The following LRP8 variants were observed in gnomAD, a reference collection of about 807,000 sequenced individuals.
The protein encoded by LRP8 is LDL receptor related protein 8, also known as low-density lipoprotein receptor-related protein 8.
LRP8 carries 46 observed loss-of-function variants against 111.6 expected under a neutral mutation model. The observed-to-expected ratio is 0.41, with a 90% CI of 0.33 to 0.53. The LOEUF is 0.53. Among genes scored for constraint, LRP8 ranks in the 20% least tolerant of loss-of-function variants. LRP8 has a pLI of 0.20. For synonymous variants in LRP8, 464 were observed against 511.2 expected, an observed-to-expected ratio of 0.91 and a Z score of 1.24; for missense variants, 959 against 1,297.4, an observed-to-expected ratio of 0.74 and a Z score of 4.01.
In LRP8 at chr1:53,276,857, C is replaced by A; in HGVS notation, c.718G>T (p.Glu240Ter). The change falls in exon 5 of 19, where the codon GAG becomes TAG. Residue 240 changes from glutamate (E) to a stop codon, truncating the protein, a stop_gained. Transcript: ENST00000306052. LOFTEE classifies it high-confidence loss of function. ...RQFDCEDRSD[E>*]AAELCGRPGP... The stretch of plus-strand genomic sequence containing the variant: ...GGACGGCCGCAGAGCTCGGCTGCCT[C>A]GTCCGAGCGGTCCTCGCAGTCAAAC... 3 of 1,351,030 alleles carry A rather than the reference C, an allele frequency of 2.2e-6. No homozygotes were observed. The highest frequency in any genetic ancestry group is 2.8e-6 in the Non-Finnish European group (3 of 1,053,138). The allele number at this position is 1,351,030 out of a possible 1,614,324, so 83.7% of individuals were successfully genotyped here.
chr1:53,304,058 AAAAAG>A (rs1651493970), intron 2 of LRP8, among the ~76,000 whole-genome samples: 2 of 152,174 alleles, frequency 1.3e-5, no homozygotes, highest in African/African-American at 4.8e-5. Flanking sequence ...TTTCGGTGGG[AAAAAG>A]AAAGGAAAGG....
At chr1:53,325,072 C>G (rs1312488766) in intron 2 of LRP8, among the ~76,000 whole-genome samples, 2 of 152,240 alleles carry the variant, frequency 1.3e-5, no homozygotes, top group Non-Finnish European at 2.9e-5. Context: ...CACGCAGTTT[C>G]TATTCCTTGC....
Position 53,275,626 on chromosome 1 carries a change from C to G in LRP8, c.1006+5G>C. 1 of 1,613,890 alleles carries G rather than the reference C, an allele frequency of 6.2e-7. No individual in the cohort carries two copies. Among genetic ancestry groups the G allele is most frequent in the Non-Finnish European group, 8.5e-7 (1 of 1,179,876 alleles). ...GGATGTGTTCTGTGCCCTGACCACA[C>G]GCACCCTGTAGGCAGCCAGCTTCAT... On this transcript the variant is annotated splice_donor_5th_base_variant and intron_variant, in intron 6 of 18. Coordinates refer to ENST00000306052, the MANE Select transcript of LRP8 (RefSeq NM_004631.5). The surrounding 1 kb of genome is among the most constrained non-coding windows in gnomAD (Gnocchi z 4.4).
At chr1:53,255,251 A>G in intron 15 of LRP8, 66 bp from the exon 16 acceptor site, 3 of 1,423,348 alleles carry the variant, frequency 2.1e-6, no homozygotes, top group Non-Finnish European at 3.0e-6. Flanking sequence ...TACTGGCCTC[A>G]AGTGGTAAGA....
At chr1:53,256,269 A>C (rs1243496863) in intron 15 of LRP8, among the ~76,000 whole-genome samples, 1 of 152,232 alleles carries the variant, frequency 6.6e-6, no homozygotes, top group Non-Finnish European at 1.5e-5. Flanking sequence ...AGAATCTAAC[A>C]GTTAAGGGGA....
intron 2 of LRP8, among the ~76,000 whole-genome samples, chr1:53,310,651 T>TG (rs1006182057): frequency 1.3e-5 from 2 of 152,160 alleles, no homozygotes; most frequent in African/African-American, 4.8e-5. Flanking sequence ...CCAGGGTGTC[T>TG]GTGTGGCCCC....
intron 3 of LRP8, among the ~76,000 whole-genome samples, chr1:53,282,500 G>T (rs1434140090): frequency 6.6e-6 from 1 of 152,114 alleles, no homozygotes; most frequent in East Asian, 1.9e-4. Flanking sequence ...TCCTTCCAGG[G>T]TACCTCTATC....
rs1651324073 is a variant in LRP8 at position 53,303,275 on chromosome 1, T to A, written c.245-13586A>T. On this transcript the variant is annotated intron_variant, in intron 2 of 18. Transcript: ENST00000306052. The surrounding 1 kb of genome is among the most constrained non-coding windows in gnomAD (Gnocchi z 4.3). ...GGCATGGCTTAGCTGGAAAAGCATC[T>A]GGGTCCAGTGAGGTGGTGGGGAGCA... 6.6e-6 allele frequency among the ~76,000 whole-genome samples: 1 copy of A among 152,160 alleles called. No individual in the cohort carries two copies. Among genetic ancestry groups the A allele is most frequent in the Non-Finnish European group, 1.5e-5 (1 of 68,018 alleles).
rs367714878 is a variant in LRP8 at position 53,262,425 on chromosome 1, C to A, written c.1774+21G>T. The stretch of plus-strand genomic sequence containing the variant: ...ACAAGGCACTAGAATAGGCCCCCAA[C>A]CCAGGAAAGGCAGGGCTCACCCAGG... On this transcript the variant is annotated intron_variant, in intron 11 of 18. Coordinates refer to ENST00000306052, the MANE Select transcript of LRP8 (RefSeq NM_004631.5). This position sits in a 1 kb window ranked among gnomAD's most constrained non-coding sequence, Gnocchi z 4.8. 1.3e-5 allele frequency: 21 copies of A among 1,610,382 alleles called. No homozygotes were observed. In the African/African-American group the frequency reaches 2.7e-4, roughly 20 times the overall value.
At chr1:53,248,106 T>C (rs1195827314) in intron 18 of LRP8, among the ~76,000 whole-genome samples, 1 of 152,168 alleles carries the variant, frequency 6.6e-6, no homozygotes, top group African/African-American at 2.4e-5. Flanking sequence ...GTGTTTAACA[T>C]AGTACCTAAC....
intron 2 of LRP8, among the ~76,000 whole-genome samples, chr1:53,314,704 C>T (rs1424406260): frequency 1.3e-5 from 2 of 152,146 alleles, no homozygotes; most frequent in South Asian, 2.1e-4. Flanking sequence ...ACGCATTGGA[C>T]CCCCTGACCT....
In LRP8 at chr1:53,250,706, C is replaced by T. The variant is rs775312968; in HGVS notation, c.2660G>A (p.Gly887Asp). The T allele has an allele frequency of 2.3e-5, 37 of 1,613,954 alleles. No homozygotes were observed. Among genetic ancestry groups the T allele is most frequent in the Non-Finnish European group, 3.1e-5 (36 of 1,179,888 alleles). The change falls in exon 17 of 19, where the codon GGC becomes GAC. Residue 887 changes from glycine (G) to aspartate (D), a missense_variant. By Grantham distance (94) the Gly-to-Asp change is moderately conservative (BLOSUM62 -1). Around this residue, in one of 3 missense-constraint regions of LRP8, gnomAD observed 819 missense variants for 1,097.6 expected, o/e 0.75. Coordinates refer to ENST00000306052, the MANE Select transcript of LRP8 (RefSeq NM_004631.5). This position sits in a 1 kb window ranked among gnomAD's most constrained non-coding sequence, Gnocchi z 4.6. ...ELHIGRTAQI[G>D]HVYPAAISSF... The stretch of plus-strand genomic sequence containing the variant: ...AATACTTACTGCAGGATAGACATGG[C>T]CAATCTGAGCAGTTCTCCCTATATG...
At chr1:53,265,024 G>A (rs1411338539) in intron 9 of LRP8, among the ~76,000 whole-genome samples, 1 of 152,144 alleles carries the variant, frequency 6.6e-6, no homozygotes, top group East Asian at 1.9e-4. Context: ...TGGCATCTAT[G>A]GAGTGGATGG....
At chr1:53,276,562 T>C in intron 5 of LRP8, 130 bp downstream of exon 5, 1 of 663,224 alleles carries the variant, frequency 1.5e-6, no homozygotes, top group Non-Finnish European at 2.1e-6. Flanking sequence ...CCAGCCTCGG[T>C]CTCCTCTGTA....
intron 2 of LRP8, 81 bp downstream of exon 2, chr1:53,326,792 C>A: frequency 6.6e-7 from 1 of 1,524,168 alleles, no homozygotes; most frequent in Non-Finnish European, 8.8e-7. Context: ...GCGGCGGCTG[C>A]AGCCACGTGC....
At chr1:53,289,789 C>A in intron 2 of LRP8, 100 bp from the exon 3 acceptor site, 1 of 1,493,772 alleles carries the variant, frequency 6.7e-7, no homozygotes, top group Non-Finnish European at 9.1e-7. Flanking sequence ...CATGGACTGC[C>A]TTGCTGACCA....
chr1:53,292,896 GA>G (rs1319169677), intron 2 of LRP8, among the ~76,000 whole-genome samples: 2 of 152,222 alleles, frequency 1.3e-5, no homozygotes, highest in African/African-American at 4.8e-5. Context: ...AAATGTGGAA[GA>G]AAAACCTTAC....
In LRP8 at chr1:53,271,216, G is replaced by A. The variant is rs766891768; in HGVS notation, c.1126+11C>T. 1.7e-5 allele frequency: 27 copies of A among 1,613,850 alleles called. No homozygotes were observed. The highest frequency in any genetic ancestry group is 6.6e-5 in the South Asian group (6 of 91,066). ...TCTGCTTCTGCTTGGGGGTGTGGGA[G>A]AAGGTCTCACCGCCACAGGTCTTCT... is the stretch of plus-strand genomic sequence containing the variant. On this transcript the variant is annotated intron_variant, in intron 7 of 18. Transcript: ENST00000306052.
intron 8 of LRP8, among the ~76,000 whole-genome samples, chr1:53,269,531 T>C (rs530857491): frequency 1.3e-5 from 2 of 152,174 alleles, no homozygotes; most frequent in African/African-American, 4.8e-5. Context: ...CCCAGACTAG[T>C]CTTGAACTCC....
Sources: gnomAD v4.1 joint callset for allele counts (sites outside exome capture counted in the v4.1 genomes callset) on GRCh38, gnomAD v4.1.1 for gene constraint, gnomAD v4.1.1 regional missense constraint, Gnocchi (gnomAD v3.1) non-coding constraint, MANE v1.5 for transcripts, NCBI Gene and HGNC (gene_info 2026-07-23, HGNC 2026-07-21) for gene names.